ACAT2: variants seen among roughly 807,000 people sequenced by gnomAD.
The protein encoded by ACAT2 is acetyl-CoA acetyltransferase, cytosolic.
ACAT2 carries 26 observed loss-of-function variants against 37.1 expected under a neutral mutation model. The ratio of observed to expected loss-of-function variants is 0.70; its 90% CI spans 0.51 to 0.97. ACAT2 has a LOEUF of 0.97. ACAT2 is among the 50% of genes least tolerant of loss of function. The pLI is 0.00. For missense variants in ACAT2, 468 were observed against 489.0 expected (o/e 0.96, Z 0.40); for synonymous variants, 156 against 163.6 (o/e 0.95, Z 0.35).
intron 4 of ACAT2, among the ~76,000 whole-genome samples, chr6:159,774,729 C>A (rs1257473882): frequency 2.6e-5 from 4 of 152,204 alleles, no homozygotes; most frequent in Admixed American, 1.3e-4. Flanking sequence ...GTGTGAGCCG[C>A]CACACTTGGC....
At chr6:159,762,333 T>C (rs1562473893) in intron 1 of ACAT2, 191 bp downstream of exon 1, 1 of 1,225,068 alleles carries the variant, frequency 8.2e-7, no homozygotes, top group East Asian at 2.6e-5. Flanking sequence ...CCCCACCCTC[T>C]CCTCTCCCGA....
At chr6:159,762,406 C>T (rs1780160740) in intron 1 of ACAT2, 4 of 1,382,050 alleles carry the variant, frequency 2.9e-6, no homozygotes, top group Non-Finnish European at 3.8e-6. Flanking sequence ...CGTGGCCTGC[C>T]TCTCCCATTG....
In ACAT2 at chr6:159,762,962, G is replaced by A; in HGVS notation, c.99G>A (p.Leu33=). Reference sequence around the variant, plus strand: ...TAGCTGCTGTTCCTGTCCAGGACCTGGGCTCCACTGTCATCAAAGAAGTCT... The same window carrying A: ...TAGCTGCTGTTCCTGTCCAGGACCTAGGCTCCACTGTCATCAAAGAAGTCT... The part of the protein sequence containing the change: ...GALAAVPVQD[L]GSTVIKEVLK... Residue 33 remains leucine (L), a synonymous_variant, in exon 2 of 9, where the codon CTG becomes CTA. Coordinates refer to ENST00000367048, the MANE Select transcript of ACAT2 (RefSeq NM_005891.3). The A allele has an allele frequency of 6.2e-7, 1 of 1,614,122 alleles. No homozygotes were observed. Among genetic ancestry groups the A allele is most frequent in the South Asian group, 1.1e-5 (1 of 91,076 alleles).
chr6:159,778,357 T>C (rs1780473356), intron 8 of ACAT2, 77 bp downstream of exon 8: 2 of 1,029,624 alleles, frequency 1.9e-6, no homozygotes, highest in Non-Finnish European at 1.4e-6. Flanking sequence ...CTTCTAGGTG[T>C]TGGCCATGTG....
In ACAT2 at chr6:159,776,235, T is replaced by C; in HGVS notation, c.720T>C (p.Thr240=). The C allele has an allele frequency of 2.5e-6, 4 of 1,614,184 alleles. No individual in the cohort carries two copies. Among genetic ancestry groups the C allele is most frequent in the Non-Finnish European group, 3.4e-6 (4 of 1,180,018 alleles). Residue 240 remains threonine, a synonymous_variant, in exon 6 of 9, where the codon ACT becomes ACC. Transcript: ENST00000367048. ...AMSKLKPYFL[T]DGTGTVTPAN... is the part of the protein sequence containing the mutation. Reference sequence around the variant, plus strand: ...CCAAGCTAAAGCCTTACTTTCTTACTGATGGAACGGGAACAGTCACCCCAG... The same window carrying C: ...CCAAGCTAAAGCCTTACTTTCTTACCGATGGAACGGGAACAGTCACCCCAG...
chr6:159,762,586 G>A (rs1249102930), intron 1 of ACAT2: 1 of 1,368,846 alleles, frequency 7.3e-7, no homozygotes, highest in Non-Finnish European at 9.6e-7. Context: ...TCTCCTTCGT[G>A]CCGCATGGTT....
chr6:159,766,423 C>T (rs551973640), intron 2 of ACAT2, among the ~76,000 whole-genome samples: 11 of 150,412 alleles, frequency 7.3e-5, no homozygotes, highest in Non-Finnish European at 1.2e-4. Flanking sequence ...TTTTTTGAGA[C>T]GGAGTTTCGC....
intron 1 of ACAT2, chr6:159,762,710 G>A (rs1562474186): frequency 6.6e-7 from 1 of 1,525,018 alleles, no homozygotes; most frequent in Non-Finnish European, 8.8e-7. Context: ...CCGTTCTGGA[G>A]GTCGCCTGTC....
chr6:159,777,863 C>T (rs1390856956), intron 7 of ACAT2, among the ~76,000 whole-genome samples: 4 of 152,160 alleles, frequency 2.6e-5, no homozygotes, highest in Non-Finnish European at 5.9e-5. Flanking sequence ...GCATTTGGAT[C>T]ACATGCTTTC....
chr6:159,776,779 A>G (rs1244731318), intron 6 of ACAT2, among the ~76,000 whole-genome samples: 1 of 151,646 alleles, frequency 6.6e-6, no homozygotes, highest in African/African-American at 2.4e-5. Context: ...CCCCTCCCCA[A>G]CTGCTGTAAT....
chr6:159,768,459 G>T lies in ACAT2; in HGVS notation c.373-52G>T, dbSNP rs77161627. On this transcript the variant is annotated intron_variant, in intron 3 of 8. Coordinates refer to ENST00000367048, the MANE Select transcript of ACAT2 (RefSeq NM_005891.3). ...AGATAGTTTTGAGTTGTATTCTGGG[G>T]AGAAGACTAATTGCAACTAAGCCTA... 1,381 of 1,276,570 alleles carry T rather than the reference G, an allele frequency of 1.1e-3. 11 individuals carry two copies. The African/African-American group carries it at 0.018, about 17-fold the overall frequency. 79.1% of individuals were successfully genotyped at this position (1,276,570 alleles called of 1,614,324 possible). A position where few individuals can be genotyped will look rare whatever the true frequency, so the allele number is the denominator to read the frequency against.
intron 4 of ACAT2, 87 bp from the exon 5 acceptor site, chr6:159,775,083 C>T: frequency 2.1e-6 from 3 of 1,457,004 alleles, no homozygotes; most frequent in Non-Finnish European, 2.8e-6. Flanking sequence ...TGTGGTCAGT[C>T]AGTGCTTGGT....
intron 6 of ACAT2, 52 bp from the exon 7 acceptor site, chr6:159,777,250 T>C (rs1266745871): frequency 1.3e-5 from 20 of 1,571,720 alleles, no homozygotes; most frequent in Admixed American, 7.4e-5. Flanking sequence ...GCCACAGATA[T>C]GTAACTGAGG....
chr6:159,777,730 C>T (rs946438916), intron 7 of ACAT2, among the ~76,000 whole-genome samples: 7 of 121,992 alleles, frequency 5.7e-5, no homozygotes, highest in Non-Finnish European at 1.4e-4. Flanking sequence ...TTCTTCATTT[C>T]GTAGAGACAA....
chr6:159,769,707 C>T (rs567516905), intron 4 of ACAT2, among the ~76,000 whole-genome samples: 29 of 152,330 alleles, frequency 1.9e-4, no homozygotes, highest in Non-Finnish European at 2.8e-4. Flanking sequence ...ACCCAGGGCA[C>T]TTCCCAAACT....
chr6:159,778,108 A>G lies in ACAT2; in HGVS notation c.913-62A>G, dbSNP rs1408988156. 1.4e-5 allele frequency: 15 copies of G among 1,101,244 alleles called. No homozygotes were observed. The South Asian group carries it at 1.9e-4, about 14-fold the overall frequency. 68.2% of individuals were successfully genotyped at this position (1,101,244 alleles called of 1,614,324 possible). A position where few individuals can be genotyped will look rare whatever the true frequency, so the allele number is the denominator to read the frequency against. On this transcript the variant is annotated intron_variant, in intron 7 of 8. Coordinates refer to ENST00000367048, the MANE Select transcript of ACAT2 (RefSeq NM_005891.3). ...CAGCATATATTTATGTTGACAAAGA[A>G]TGGTTTAACTTTAGCCTTTCCACCC... is the stretch of plus-strand genomic sequence containing the variant.
intron 1 of ACAT2, 48 bp from the exon 2 acceptor site, chr6:159,762,871 A>G: frequency 1.9e-6 from 3 of 1,599,184 alleles, no homozygotes; most frequent in Non-Finnish European, 1.7e-6. Flanking sequence ...TGGTTCCCGT[A>G]TTACCCGCAG....
At chr6:159,777,150 C>T (rs1780434027) in intron 6 of ACAT2, 152 bp from the exon 7 acceptor site, 4 of 920,688 alleles carry the variant, frequency 4.3e-6, no homozygotes, top group Middle Eastern at 7.0e-4. Context: ...TATTGCCAAA[C>T]ATAATTTCTA....
intron 2 of ACAT2, among the ~76,000 whole-genome samples, chr6:159,765,595 A>C (rs1554267330): frequency 6.6e-6 from 1 of 150,478 alleles, no homozygotes; most frequent in Non-Finnish European, 1.5e-5. Context: ...ATGCCCAGCT[A>C]ATTTTTGTAT....
Sources: allele counts gnomAD v4.1 joint callset (sites outside exome capture counted in the v4.1 genomes callset), GRCh38; gene constraint gnomAD v4.1.1; transcripts MANE v1.5; gene names NCBI Gene and HGNC (gene_info 2026-07-23, HGNC 2026-07-21).